Variants in GRIK1 observed in about 807,000 individuals in gnomAD.
GRIK1 encodes glutamate receptor ionotropic, kainate 1.
In GRIK1, 69 loss-of-function variants were observed where a neutral mutation model predicts 105.7. That is an observed-to-expected ratio of 0.65 (90% CI 0.54 to 0.80). The LOEUF (loss-of-function observed/expected upper bound fraction) is 0.80. Among genes scored for constraint, GRIK1 ranks in the 30% least tolerant of loss-of-function variants. GRIK1 has a pLI of 0.00. For missense variants in GRIK1, 1,109 were observed against 1,167.3 expected (o/e 0.95, Z 0.73); for synonymous variants, 438 against 431.3 (o/e 1.02, Z -0.19).
chr21:29,652,232 AC>A (rs1180878961), intron 5 of GRIK1, among the ~76,000 whole-genome samples: 1 of 152,178 alleles, frequency 6.6e-6, no homozygotes, highest in African/African-American at 2.4e-5. Flanking sequence ...CACTGGCAGT[AC>A]CCACTCTTCT....
intron 1 of GRIK1, among the ~76,000 whole-genome samples, chr21:29,738,867 T>C (rs944281388): frequency 6.6e-6 from 1 of 152,234 alleles, no homozygotes; most frequent in Non-Finnish European, 1.5e-5. Context: ...TAGATATTGC[T>C]CTTGGAAACA....
intron 1 of GRIK1, among the ~76,000 whole-genome samples, chr21:29,735,875 A>G (rs913630208): frequency 6.6e-6 from 1 of 151,952 alleles, no homozygotes; most frequent in African/African-American, 2.4e-5. Context: ...AATTGAAAAC[A>G]TATTTGAAGA....
chr21:29,907,107 G>T (rs576382431), intron 1 of GRIK1, among the ~76,000 whole-genome samples: 2 of 149,260 alleles, frequency 1.3e-5, no homozygotes, highest in East Asian at 1.9e-4. Flanking sequence ...CTCTAAATTT[G>T]TATCAATGGA....
intron 1 of GRIK1, among the ~76,000 whole-genome samples, chr21:29,809,699 G>T (rs1427165320): frequency 6.6e-6 from 1 of 152,178 alleles, no homozygotes; most frequent in Non-Finnish European, 1.5e-5. Context: ...GGTGCAAGAG[G>T]CCTAGCTTTC....
chr21:29,546,089 C>T (rs1444037299), intron 16 of GRIK1, among the ~76,000 whole-genome samples: 1 of 152,150 alleles, frequency 6.6e-6, no homozygotes, highest in African/African-American at 2.4e-5. Context: ...GATGTGACAT[C>T]CTACTAGGTC....
intron 14 of GRIK1, among the ~76,000 whole-genome samples, chr21:29,573,977 T>G (rs890626674): frequency 1.3e-5 from 2 of 152,230 alleles, no homozygotes; most frequent in Admixed American, 1.3e-4. Context: ...TGTTGTCCCA[T>G]GTGGAAAGTT....
chr21:29,752,665 A>C (rs1166827592), intron 1 of GRIK1, among the ~76,000 whole-genome samples: 1 of 151,920 alleles, frequency 6.6e-6, no homozygotes, highest in East Asian at 1.9e-4. Flanking sequence ...TATCTCTACA[A>C]AAAAAAATTA....
chr21:29,926,717 A>G (rs889070655), intron 1 of GRIK1, among the ~76,000 whole-genome samples: 1 of 151,954 alleles, frequency 6.6e-6, no homozygotes, highest in East Asian at 1.9e-4. Flanking sequence ...GTTCAAATAG[A>G]TTTCTGGGTC....
At chr21:29,762,112 T>A (rs1393630667) in intron 1 of GRIK1, among the ~76,000 whole-genome samples, 2 of 152,232 alleles carry the variant, frequency 1.3e-5, no homozygotes, top group Non-Finnish European at 2.9e-5. Context: ...CACATGGCAA[T>A]TTTTGAAACT....
intron 1 of GRIK1, among the ~76,000 whole-genome samples, chr21:29,752,838 C>T (rs2145653879): frequency 6.6e-6 from 1 of 151,704 alleles, no homozygotes; most frequent in East Asian, 1.9e-4. Context: ...GCCCTGCCTC[C>T]AAAAAAATAA....
chr21:29,603,763 G>A (rs2061562883), intron 7 of GRIK1, among the ~76,000 whole-genome samples: 1 of 152,148 alleles, frequency 6.6e-6, no homozygotes, highest in Non-Finnish European at 1.5e-5. Flanking sequence ...AACAATTTGT[G>A]TAATGCTTTG....
chr21:29,869,989 TC>T (rs1465663574), intron 1 of GRIK1, among the ~76,000 whole-genome samples: 8 of 152,102 alleles, frequency 5.3e-5, no homozygotes, highest in African/African-American at 1.9e-4. Context: ...ATACAGAACA[TC>T]CGGATCCATT....
chr21:29,591,395 G>A (rs2061332227), intron 9 of GRIK1, among the ~76,000 whole-genome samples, 170 bp from the exon 10 acceptor site: 2 of 152,208 alleles, frequency 1.3e-5, no homozygotes, highest in African/African-American at 2.4e-5. Flanking sequence ...AGGAATGAAT[G>A]TGTAGACAAA....
intron 10 of GRIK1, among the ~76,000 whole-genome samples, chr21:29,589,597 A>G (rs888979961): frequency 1.5e-4 from 22 of 150,320 alleles, no homozygotes; most frequent in Admixed American, 1.2e-3. Flanking sequence ...ATTTTTTTGT[A>G]TTTTTTTTTA....
At chr21:29,740,074 G>T (rs976029086) in intron 1 of GRIK1, among the ~76,000 whole-genome samples, 1 of 152,044 alleles carries the variant, frequency 6.6e-6, no homozygotes, top group Non-Finnish European at 1.5e-5. Flanking sequence ...ACTTCTTCTG[G>T]ATTAAGTGAC....
In GRIK1 at chr21:29,860,159, G is replaced by A. The variant is rs371837451; in HGVS notation, c.118+79224C>T. Among the ~76,000 whole-genome samples, 11 of 152,296 alleles carry A rather than the reference G, an allele frequency of 7.2e-5. 1 individual carries two copies. The East Asian group carries it at 1.5e-3, about 21-fold the overall frequency. ...GTTTGTTAAGAGACCAATAGCATACGAGTAAGATGCCTGGTGTCTAACTGA... is the reference window on the plus strand; with the variant it reads ...GTTTGTTAAGAGACCAATAGCATACAAGTAAGATGCCTGGTGTCTAACTGA... On this transcript the variant is annotated intron_variant, in intron 1 of 17. Transcript: ENST00000327783.
chr21:29,708,614 T>A (rs778795100), intron 1 of GRIK1, among the ~76,000 whole-genome samples: 1 of 152,172 alleles, frequency 6.6e-6, no homozygotes, highest in East Asian at 1.9e-4. Flanking sequence ...AAGTCTCTGG[T>A]GTCACTTCCT....
At chr21:29,810,577 G>A (rs183643825) in intron 1 of GRIK1, among the ~76,000 whole-genome samples, 5 of 152,118 alleles carry the variant, frequency 3.3e-5, no homozygotes, top group East Asian at 1.9e-4. Flanking sequence ...TTTGCCAAGC[G>A]TGTCAATCTA....
intron 1 of GRIK1, among the ~76,000 whole-genome samples, chr21:29,705,980 T>C (rs1445729096): frequency 6.6e-6 from 1 of 151,994 alleles, no homozygotes; most frequent in Non-Finnish European, 1.5e-5. Context: ...TTCAAGCGAT[T>C]CTCCTGCCTC....
Sources: gnomAD v4.1 joint callset for allele counts (sites outside exome capture counted in the v4.1 genomes callset) on GRCh38, gnomAD v4.1.1 for gene constraint, MANE v1.5 for transcripts, NCBI Gene and HGNC (gene_info 2026-07-23, HGNC 2026-07-21) for gene names.